STPG4: variants seen among roughly 807,000 people sequenced by gnomAD.
STPG4 encodes sperm-tail PG-rich repeat containing 4, also known as protein STPG4.
In STPG4, 41 loss-of-function variants were observed where a neutral mutation model predicts 31.5. The ratio of observed to expected loss-of-function variants is 1.30; its 90% CI spans 1.01 to 1.69. STPG4 has a LOEUF of 1.69. Among genes scored for constraint, STPG4 ranks in the 40% most tolerant of loss-of-function variants. The probability of loss-of-function intolerance (pLI) is 0.00; values close to 1 mark genes in which losing one functional copy is unlikely to be tolerated. For synonymous variants in STPG4, 141 were observed against 103.0 expected (o/e 1.37, Z -2.24); for missense variants, 375 against 293.4 (o/e 1.28, Z -2.03).
intron 1 of STPG4, among the ~76,000 whole-genome samples, chr2:47,154,755 A>C (rs1686996462): frequency 6.6e-6 from 1 of 152,232 alleles, no homozygotes; most frequent in Non-Finnish European, 1.5e-5. Flanking sequence ...AGTAGCTTCA[A>C]ATATTTTTAT....
chr2:47,110,763 A>G (rs1462518911), intron 5 of STPG4, among the ~76,000 whole-genome samples: 1 of 152,120 alleles, frequency 6.6e-6, no homozygotes, highest in Non-Finnish European at 1.5e-5. Flanking sequence ...ACATATCTCA[A>G]TTTGATCCTG....
chr2:47,141,653 T>C (rs1686710719), intron 3 of STPG4, among the ~76,000 whole-genome samples: 1 of 152,120 alleles, frequency 6.6e-6, no homozygotes. Flanking sequence ...GTTTCATCTT[T>C]GCTACATTAT....
At chr2:47,118,299 C>A (rs954637143) in intron 5 of STPG4, among the ~76,000 whole-genome samples, 1 of 152,138 alleles carries the variant, frequency 6.6e-6, no homozygotes, top group Non-Finnish European at 1.5e-5. Context: ...ACCGCACATG[C>A]AAGGGATCTA....
chr2:47,118,687 G>T (rs757413626), intron 5 of STPG4, among the ~76,000 whole-genome samples: 11 of 152,238 alleles, frequency 7.2e-5, no homozygotes, highest in Non-Finnish European at 1.0e-4. Context: ...CTTAATAGTT[G>T]TGTGACCTTG....
intron 5 of STPG4, among the ~76,000 whole-genome samples, chr2:47,094,344 T>A (rs1394764247): frequency 1.3e-5 from 2 of 152,194 alleles, no homozygotes; most frequent in African/African-American, 4.8e-5. Flanking sequence ...GTCCTAGAAC[T>A]TGATGTCAAA....
chr2:47,147,146 G>A (rs1407543925), intron 3 of STPG4, among the ~76,000 whole-genome samples: 1 of 151,878 alleles, frequency 6.6e-6, no homozygotes, highest in African/African-American at 2.4e-5. Flanking sequence ...TAAATAAATA[G>A]GATATACAAG....
chr2:47,100,614 T>C (rs905611260), intron 5 of STPG4, among the ~76,000 whole-genome samples: 1 of 151,200 alleles, frequency 6.6e-6, no homozygotes, highest in African/African-American at 2.4e-5. Flanking sequence ...GTTCTTTCGC[T>C]CTTTGCAATA....
Position 47,127,252 on chromosome 2 carries a change from C to CTTTTTTTTTTTTTTTTTTTTTTTTT in STPG4, c.519+2664_519+2688dup, listed in dbSNP as rs57475505. Among the ~76,000 whole-genome samples the CTTTTTTTTTTTTTTTTTTTTTTTTT allele has an allele frequency of 1.6e-4, 9 of 57,456 alleles. 2 individuals carry two copies. The highest frequency in any genetic ancestry group is 9.0e-4 in the South Asian group (1 of 1,108). 37.7% of individuals were successfully genotyped at this position (57,456 alleles called of 152,430 possible). On this transcript the variant is annotated intron_variant, in intron 5 of 6. Coordinates refer to ENST00000445927, the MANE Select transcript of STPG4 (RefSeq NM_001163561.2). ...CAAATAGCTTGTCTTCAAGCTAATT[C>CTTTTTTTTTTTTTTTTTTTTTTTTT]TTTTTTTTTTTTTTTTTTTTTTTTT...
At chr2:47,087,211 G>C (rs1685474727) in intron 6 of STPG4, 81 bp from the exon 7 acceptor site, 8 of 1,484,802 alleles carry the variant, frequency 5.4e-6, no homozygotes, top group Non-Finnish European at 6.4e-6. Context: ...CACTGGCTTG[G>C]ATGTGGTGGA....
intron 3 of STPG4, among the ~76,000 whole-genome samples, chr2:47,137,492 T>C (rs781696209): frequency 7.9e-5 from 12 of 152,226 alleles, no homozygotes; most frequent in Non-Finnish European, 1.5e-4. Context: ...ACTGGCCTAA[T>C]AGAATGAGTT....
chr2:47,099,072 G>C (rs116163739), intron 5 of STPG4, among the ~76,000 whole-genome samples: 1 of 152,130 alleles, frequency 6.6e-6, no homozygotes, highest in African/African-American at 2.4e-5. Flanking sequence ...AAAATATGAC[G>C]GTCTGGGTTT....
At chr2:47,087,295 T>C (rs2103716722) in intron 6 of STPG4, among the ~76,000 whole-genome samples, 165 bp from the exon 7 acceptor site, 1 of 152,308 alleles carries the variant, frequency 6.6e-6, no homozygotes, top group Middle Eastern at 3.4e-3. Context: ...AATTGGAGCA[T>C]GTCCTTGGAG....
chr2:47,097,883 C>G (rs1459777441), intron 5 of STPG4, among the ~76,000 whole-genome samples: 3 of 151,326 alleles, frequency 2.0e-5, no homozygotes, highest in African/African-American at 7.3e-5. Context: ...TTTTGGAGGC[C>G]CACGTGGGTA....
chr2:47,133,241 C>T (rs867608935), intron 3 of STPG4, among the ~76,000 whole-genome samples: 2 of 151,886 alleles, frequency 1.3e-5, no homozygotes, highest in Non-Finnish European at 1.5e-5. Context: ...AACCATAGCT[C>T]ACTGCGCTTC....
In STPG4 at chr2:47,129,991, A is replaced by T. The variant is rs1343465195; in HGVS notation, c.469T>A (p.Cys157Ser). Residue 157 changes from cysteine (C) to serine (S), a missense_variant, in exon 5 of 7, where the codon TGT (cysteine) becomes AGT (serine). Coordinates refer to ENST00000445927, the MANE Select transcript of STPG4 (RefSeq NM_001163561.2). ...APVPKYASRS[C>S]VFRSTVQRFP... is the part of the protein sequence containing the mutation. ...CTTTGAACTGTTGAGCGAAATACAC[A>T]GCTCCTATATTTCAAAATAAAAAAG... 7.7e-6 allele frequency: 12 copies of T among 1,557,314 alleles called. No individual in the cohort carries two copies. The highest frequency in any genetic ancestry group is 1.1e-5 in the Non-Finnish European group (12 of 1,132,534).
chr2:47,113,926 A>C (rs184294998), intron 5 of STPG4, among the ~76,000 whole-genome samples: 72 of 150,802 alleles, frequency 4.8e-4, no homozygotes, highest in Non-Finnish European at 2.1e-4. Flanking sequence ...CCCAGCTACT[A>C]GGGAGGCTGA....
At chr2:47,133,932 T>C (rs17036289) in intron 3 of STPG4, among the ~76,000 whole-genome samples, 3,492 of 152,168 alleles carry the variant, frequency 0.023, 138 homozygotes, top group African/African-American at 0.079. Flanking sequence ...AGTATGGATA[T>C]ATAATTCAGT....
At chr2:47,112,164 GTTGTT>G (rs1444058606) in intron 5 of STPG4, among the ~76,000 whole-genome samples, 1 of 151,990 alleles carries the variant, frequency 6.6e-6, no homozygotes, top group Non-Finnish European at 1.5e-5. Context: ...TTTTGTTGTT[GTTGTT>G]TTGTTGTTTG....
chr2:47,152,200 A>AT (rs750927765), intron 2 of STPG4, among the ~76,000 whole-genome samples: 1 of 151,668 alleles, frequency 6.6e-6, no homozygotes, highest in Non-Finnish European at 1.5e-5. Context: ...TGCTTAGCCA[A>AT]TGTAGGATGT....
Sources: gnomAD v4.1 joint callset for allele counts (sites outside exome capture counted in the v4.1 genomes callset) on GRCh38, gnomAD v4.1.1 for gene constraint, MANE v1.5 for transcripts, NCBI Gene and HGNC (gene_info 2026-07-23, HGNC 2026-07-21) for gene names.